The following AOPEP variants were observed in gnomAD, a reference collection of about 807,000 sequenced individuals.
AOPEP encodes the protein aminopeptidase O.
In AOPEP, 77 loss-of-function variants were observed where a neutral mutation model predicts 98.1. That is an observed-to-expected ratio of 0.78 (90% CI 0.65 to 0.95). The LOEUF is 0.95. AOPEP is among the 40% of genes least tolerant of loss of function. The pLI is 0.00. For missense variants in AOPEP, 1,024 were observed against 1,024.7 expected, an observed-to-expected ratio of 1.00 and a Z score of 0.01; for synonymous variants, 346 against 365.3, an observed-to-expected ratio of 0.95 and a Z score of 0.60.
chr9:95,081,828 T>C (rs2069824475), intron 15 of AOPEP, among the ~76,000 whole-genome samples: 1 of 152,192 alleles, frequency 6.6e-6, no homozygotes. Context: ...GCTCTTGCGA[T>C]GTCTTTGAGA....
intron 5 of AOPEP, among the ~76,000 whole-genome samples, chr9:94,868,443 G>C (rs746670605): frequency 1.3e-5 from 2 of 152,138 alleles, no homozygotes; most frequent in African/African-American, 4.8e-5. Context: ...CCGAATTCCC[G>C]TGCATTGAGG....
intron 2 of AOPEP, among the ~76,000 whole-genome samples, chr9:94,767,708 C>T (rs1460209019): frequency 1.3e-5 from 2 of 152,154 alleles, no homozygotes; most frequent in African/African-American, 4.8e-5. Context: ...TGTTTTGCAC[C>T]CAAAACATCT....
intron 3 of AOPEP, among the ~76,000 whole-genome samples, chr9:94,775,074 T>C (rs992447616): frequency 1.3e-5 from 2 of 152,148 alleles, no homozygotes; most frequent in Non-Finnish European, 2.9e-5. Context: ...AAAGCATTGC[T>C]CCCAGCTTTT....
intron 5 of AOPEP, among the ~76,000 whole-genome samples, chr9:94,822,887 G>T (rs780487038): frequency 2.6e-5 from 4 of 152,100 alleles, no homozygotes; most frequent in African/African-American, 4.8e-5. Flanking sequence ...TATCTCGCCC[G>T]TCTCCTAAGT....
At chr9:94,897,722 C>G (rs1317037357) in intron 5 of AOPEP, among the ~76,000 whole-genome samples, 1 of 152,104 alleles carries the variant, frequency 6.6e-6, no homozygotes, top group East Asian at 1.9e-4. Flanking sequence ...TAAAAATTAA[C>G]TCATTAGTAA....
At chr9:95,106,076 T>C in the AOPEP span, among the ~76,000 whole-genome samples, 1 of 152,190 alleles carries the variant, frequency 6.6e-6, no homozygotes, top group African/African-American at 2.4e-5. Context: ...GACGTTAATG[T>C]CCCCACCGGG....
intron 13 of AOPEP, among the ~76,000 whole-genome samples, chr9:95,054,368 C>T (rs1371619306): frequency 6.6e-6 from 1 of 152,106 alleles, no homozygotes; most frequent in Non-Finnish European, 1.5e-5. Flanking sequence ...ATGATGCTTC[C>T]AACATATATA....
chr9:95,046,600 C>G (rs1018554547), intron 13 of AOPEP, among the ~76,000 whole-genome samples: 1 of 152,122 alleles, frequency 6.6e-6, no homozygotes, highest in Non-Finnish European at 1.5e-5. Context: ...GTGCTGTACA[C>G]GAAGAGATCG....
intron 7 of AOPEP, among the ~76,000 whole-genome samples, chr9:94,929,767 C>T (rs551754031): frequency 2.2e-4 from 34 of 152,374 alleles, no homozygotes; most frequent in African/African-American, 5.3e-4. Flanking sequence ...AGGTACCGGC[C>T]GGTCACAGGT....
intron 3 of AOPEP, among the ~76,000 whole-genome samples, chr9:94,789,589 T>C (rs1009340674): frequency 6.6e-6 from 1 of 152,208 alleles, no homozygotes; most frequent in Non-Finnish European, 1.5e-5. Flanking sequence ...AATGAAAGTT[T>C]TTATGGAGCA....
chr9:94,780,843 T>A (rs948641712), intron 3 of AOPEP, among the ~76,000 whole-genome samples: 10 of 152,240 alleles, frequency 6.6e-5, no homozygotes, highest in African/African-American at 2.4e-4. Context: ...CAGTGACACA[T>A]AGGCCTGATT....
At chr9:95,110,781 A>G in the AOPEP span, 18 of 1,106,544 alleles carry the variant, frequency 1.6e-5, no homozygotes, top group South Asian at 3.7e-5. Context: ...TAGCAAATCA[A>G]TGCTTGCAAG....
chr9:95,101,266 G>C, the AOPEP span: 1 of 295,290 alleles, frequency 3.4e-6, no homozygotes, highest in East Asian at 4.9e-5. Context: ...CCAGATCCCT[G>C]ACTCCTAAAA....
At chr9:94,840,229 G>A (rs909394446) in intron 5 of AOPEP, among the ~76,000 whole-genome samples, 7 of 152,204 alleles carry the variant, frequency 4.6e-5, no homozygotes, top group Admixed American at 6.5e-5. Flanking sequence ...TTTGTTAGAT[G>A]CTTTTTCTGT....
At chr9:95,073,496 C>A (rs2068712697) in intron 14 of AOPEP, among the ~76,000 whole-genome samples, 1 of 151,490 alleles carries the variant, frequency 6.6e-6, no homozygotes, top group East Asian at 1.9e-4. Flanking sequence ...CGCCTGTAAT[C>A]CCAGCAGGCC....
At chr9:95,109,673 C>T in the AOPEP span, 21 of 152,246 alleles carry the variant, frequency 1.4e-4, no homozygotes, top group African/African-American at 5.1e-4. Flanking sequence ...CCATGTTCTT[C>T]ACCTCAAGGA....
chr9:94,959,397 T>G (rs2058675344), intron 9 of AOPEP, among the ~76,000 whole-genome samples: 1 of 152,158 alleles, frequency 6.6e-6, no homozygotes, highest in Admixed American at 6.5e-5. Context: ...GAATATCCAG[T>G]TGTCCCATAA....
At chr9:95,041,049 CA>C (rs34241267) in intron 13 of AOPEP, among the ~76,000 whole-genome samples, 67 of 144,074 alleles carry the variant, frequency 4.7e-4, no homozygotes, top group African/African-American at 4.9e-4. Context: ...CTCCACACTC[CA>C]AAAAAAAAAA....
chr9:95,118,108 T>C, the AOPEP span, among the ~76,000 whole-genome samples: 1 of 152,168 alleles, frequency 6.6e-6, no homozygotes, highest in Non-Finnish European at 1.5e-5. Context: ...AACCTCCACC[T>C]CCCGGGTCCA....
Sources: gnomAD v4.1 joint callset for allele counts (sites outside exome capture counted in the v4.1 genomes callset) on GRCh38, gnomAD v4.1.1 for gene constraint, MANE v1.5 for transcripts, NCBI Gene and HGNC (gene_info 2026-07-23, HGNC 2026-07-21) for gene names.